Variants in CDC14B observed in about 807,000 individuals in gnomAD.
CDC14B encodes cell division cycle 14B.
A neutral mutation model predicts 64.2 loss-of-function variants in CDC14B; 22 were observed. The observed-to-expected ratio is 0.34, with a 90% CI of 0.24 to 0.49. CDC14B has a LOEUF of 0.49. Ranked by LOEUF, CDC14B falls within the 20% of genes least tolerant of loss-of-function variation. CDC14B has a pLI of 0.99. For synonymous variants in CDC14B, 191 were observed against 215.8 expected, an observed-to-expected ratio of 0.89 and a Z score of 1.01; for missense variants, 498 against 629.9, an observed-to-expected ratio of 0.79 and a Z score of 2.24.
intron 1 of CDC14B, chr9:96,566,756 C>A (rs778244044): frequency 5.0e-6 from 8 of 1,602,746 alleles, no homozygotes; most frequent in East Asian, 2.3e-5. Context: ...AGCCCCCGCC[C>A]TCCCGGCTCA....
chr9:96,546,688 G>A (rs1840910334), intron 5 of CDC14B, among the ~76,000 whole-genome samples: 1 of 152,036 alleles, frequency 6.6e-6, no homozygotes, highest in South Asian at 2.1e-4. Flanking sequence ...GACCTCAGGT[G>A]ATCCACTTGC....
In CDC14B at chr9:96,501,942, T is replaced by C. The variant is rs1833591632; in HGVS notation, c.*1811A>G. The C allele has an allele frequency of 6.6e-6, 1 of 152,230 alleles. No homozygotes were observed. Among genetic ancestry groups the C allele is most frequent in the Non-Finnish European group, 1.5e-5 (1 of 68,092 alleles). The allele number at this position is 152,230 out of a possible 1,614,324, so 9.4% of individuals were successfully genotyped here. A position where few individuals can be genotyped will look rare whatever the true frequency, so the allele number is the denominator to read the frequency against. ...CCTGGATTATTATTAATGGAGGGGA[T>C]GGCCTTAAAAGGGGTAAGGGGAAGA... is the stretch of plus-strand genomic sequence containing the variant. On this transcript the variant is annotated 3_prime_UTR_variant, in exon 14 of 14. Coordinates refer to ENST00000375241, the MANE Select transcript of CDC14B (RefSeq NM_033331.4).
At chr9:96,494,484 G>C (rs1833166570) in intron 13 of CDC14B, among the ~76,000 whole-genome samples, 1 of 152,244 alleles carries the variant, frequency 6.6e-6, no homozygotes, top group Admixed American at 6.5e-5. Flanking sequence ...TAAAGGCCTA[G>C]CGGCTCCTGC....
chr9:96,546,502 T>A (rs1485360017), intron 5 of CDC14B, among the ~76,000 whole-genome samples: 12 of 149,764 alleles, frequency 8.0e-5, no homozygotes, highest in Non-Finnish European at 1.8e-4. Context: ...CAGGCTGGAG[T>A]GCAATGACAC....
intron 12 of CDC14B, among the ~76,000 whole-genome samples, chr9:96,512,175 G>A (rs1411786037): frequency 6.7e-6 from 1 of 150,290 alleles, no homozygotes; most frequent in Non-Finnish European, 1.5e-5. Context: ...CCATGTTTGT[G>A]TCACCGATCT....
chr9:96,557,959 G>C (rs1373951487), intron 4 of CDC14B, among the ~76,000 whole-genome samples: 1 of 152,150 alleles, frequency 6.6e-6, no homozygotes, highest in Non-Finnish European at 1.5e-5. Context: ...TCCCAGGCTA[G>C]CCCTCAAAAG....
chr9:96,502,855 C>CT lies in CDC14B; in HGVS notation c.*897dup, dbSNP rs112876148. The stretch of plus-strand genomic sequence containing the variant: ...GGGAAGGACTCTAAAAAAGTGGTAA[C>CT]TTTTTTTTTTTGTAAGCCGACATTA... On this transcript the variant is annotated 3_prime_UTR_variant, in exon 14 of 14. Transcript: ENST00000375241. The CT allele has an allele frequency of 9.8e-3, 2,996 of 307,022 alleles. No individual in the cohort carries two copies. Among genetic ancestry groups the CT allele is most frequent in the East Asian group, 0.016 (279 of 17,520 alleles). The allele number at this position is 307,022 out of a possible 1,614,324, so 19.0% of individuals were successfully genotyped here. A position where few individuals can be genotyped will look rare whatever the true frequency, so the allele number is the denominator to read the frequency against.
downstream of CDC14B, among the ~76,000 whole-genome samples, chr9:96,497,229 G>A (rs556141486): frequency 6.6e-6 from 1 of 152,312 alleles, no homozygotes; most frequent in East Asian, 1.9e-4. Context: ...AGCACGCGTC[G>A]TCCAGAAGCG....
In CDC14B at chr9:96,596,222, C is replaced by T. The variant is rs1011606855; in HGVS notation, c.160+22997G>A. Among the ~76,000 whole-genome samples, 4 of 151,854 alleles carry T rather than the reference C, an allele frequency of 2.6e-5. No individual in the cohort carries two copies. The South Asian group carries it at 8.3e-4, about 32-fold the overall frequency. On this transcript the variant is annotated intron_variant, in intron 1 of 13. Coordinates refer to ENST00000375241, the MANE Select transcript of CDC14B (RefSeq NM_033331.4). ...ACTAAAAATATAAAAATTAGCCGGG[C>T]ATGGTGGCACGGACCTGTAGTTCCA...
intron 12 of CDC14B, chr9:96,514,733 A>G (rs1835388100): frequency 1.0e-6 from 1 of 985,372 alleles, no homozygotes; most frequent in Non-Finnish European, 1.2e-6. Flanking sequence ...AGAAGGAAGA[A>G]CGCAGCTCAG....
At chr9:96,559,867 A>T (rs1301575091) in intron 4 of CDC14B, among the ~76,000 whole-genome samples, 1 of 152,224 alleles carries the variant, frequency 6.6e-6, no homozygotes, top group Non-Finnish European at 1.5e-5. Context: ...TCTAAGATAT[A>T]TTAACTATAG....
chr9:96,510,110 A>G (rs761787886), intron 12 of CDC14B, among the ~76,000 whole-genome samples: 4 of 152,252 alleles, frequency 2.6e-5, no homozygotes, highest in Non-Finnish European at 5.9e-5. Context: ...CAAAAGTAGA[A>G]GTAGCTTCTC....
intron 1 of CDC14B, among the ~76,000 whole-genome samples, chr9:96,566,461 T>A (rs538139995): frequency 6.6e-6 from 1 of 151,970 alleles, no homozygotes; most frequent in Non-Finnish European, 1.5e-5. Flanking sequence ...AACACTCAAA[T>A]GGGTGACAGG....
At position 96,523,724 on chromosome 9, in the gene CDC14B, A is replaced by G. The variant is rs1564239474; in HGVS notation, c.948T>C (p.Ala316=). 6.2e-7 allele frequency: 1 copy of G among 1,610,354 alleles called. No homozygotes were observed. Residue 316 remains alanine (A), a splice_region_variant and synonymous_variant, in exon 10 of 14, where the codon GCT becomes GCC. Coordinates refer to ENST00000375241, the MANE Select transcript of CDC14B (RefSeq NM_033331.4). ...TCAGAGTGCCCGTGCGACCAAGGCC[A>G]GCTAGGAAAATAAAGAAGCACAGAA... ...AEGAIAVHCK[A]GLGRTGTLIA... is the part of the protein sequence containing the mutation.
intron 1 of CDC14B, among the ~76,000 whole-genome samples, chr9:96,611,518 T>C (rs1349736765): frequency 1.3e-5 from 2 of 152,194 alleles, no homozygotes; most frequent in South Asian, 2.1e-4. Flanking sequence ...TATAACAATG[T>C]TAATGTGAAG....
chr9:96,527,626 AT>A (rs1166198837), intron 9 of CDC14B, among the ~76,000 whole-genome samples: 1 of 151,218 alleles, frequency 6.6e-6, no homozygotes, highest in African/African-American at 2.4e-5. Context: ...TTATTTATTT[AT>A]TTTTTTGAGA....
intron 1 of CDC14B, among the ~76,000 whole-genome samples, chr9:96,610,804 C>A (rs1847264321): frequency 6.6e-6 from 1 of 152,112 alleles, no homozygotes; most frequent in Non-Finnish European, 1.5e-5. Context: ...TCATATTAAT[C>A]CAATGAAATA....
chr9:96,579,050 T>A (rs1844979949), intron 1 of CDC14B, among the ~76,000 whole-genome samples: 2 of 152,076 alleles, frequency 1.3e-5, no homozygotes, highest in African/African-American at 4.8e-5. Context: ...ACTCTTGACT[T>A]CAGGTGATCC....
intron 11 of CDC14B, 47 bp downstream of exon 11, chr9:96,523,214 T>C (rs1837013683): frequency 9.4e-6 from 15 of 1,595,114 alleles, no homozygotes; most frequent in African/African-American, 4.0e-5. Context: ...AGGTTCTCAA[T>C]AGCAGTTAAA....
Sources: allele counts gnomAD v4.1 joint callset (sites outside exome capture counted in the v4.1 genomes callset), GRCh38; gene constraint gnomAD v4.1.1; transcripts MANE v1.5; gene names NCBI Gene and HGNC (gene_info 2026-07-23, HGNC 2026-07-21).